Variants in TMEM182 observed in about 807,000 individuals in gnomAD.
The protein encoded by TMEM182 is transmembrane protein 182.
A neutral mutation model predicts 26.8 loss-of-function variants in TMEM182; 20 were observed. That is an observed-to-expected ratio of 0.75 (90% confidence interval 0.53 to 1.09). TMEM182 has a LOEUF of 1.09. TMEM182 is among the 50% of genes least tolerant of loss of function. The pLI, the probability that TMEM182 is intolerant of heterozygous loss-of-function variation, is 0.00. For synonymous variants in TMEM182, 109 were observed against 102.2 expected, an observed-to-expected ratio of 1.07 and a Z score of -0.40; for missense variants, 277 against 275.5, an observed-to-expected ratio of 1.01 and a Z score of -0.04.
intron 3 of TMEM182, among the ~76,000 whole-genome samples, chr2:102,824,473 G>T (rs913109499): frequency 6.6e-6 from 1 of 152,100 alleles, no homozygotes; most frequent in Non-Finnish European, 1.5e-5. Flanking sequence ...AGATTTGGTT[G>T]TTTAAAAGTG....
Position 102,815,122 on chromosome 2 carries a change from A to G in TMEM182, c.*154A>G. 7.0e-7 allele frequency: 1 copy of G among 1,437,092 alleles called. No individual in the cohort carries two copies. The highest frequency in any genetic ancestry group is 9.1e-7 in the Non-Finnish European group (1 of 1,103,950). The allele number at this position is 1,437,092 out of a possible 1,614,324, so 89.0% of individuals were successfully genotyped here. A position where few individuals can be genotyped will look rare whatever the true frequency, so the allele number is the denominator to read the frequency against. On this transcript the variant is annotated 3_prime_UTR_variant, in exon 5 of 5. Coordinates refer to ENST00000412401, the MANE Select transcript of TMEM182 (RefSeq NM_144632.5). Reference sequence around the variant, plus strand: ...TTTTACTAAAATTTTCTTCAGTAAGAAGGTCCTAGAATCTCTCCAGACACC... The same window carrying G: ...TTTTACTAAAATTTTCTTCAGTAAGGAGGTCCTAGAATCTCTCCAGACACC...
At chr2:102,762,722 G>T in intron 2 of TMEM182, 36 bp downstream of exon 2, 1 of 1,564,056 alleles carries the variant, frequency 6.4e-7, no homozygotes, top group African/African-American at 1.4e-5. Context: ...CCTCTTGTCT[G>T]TAAAATAAAA....
chr2:102,787,859 G>T (rs1159966365), intron 3 of TMEM182, among the ~76,000 whole-genome samples: 1 of 152,100 alleles, frequency 6.6e-6, no homozygotes, highest in African/African-American at 2.4e-5. Context: ...ACCTCTCTGA[G>T]CCTCATCTGT....
intron 4 of TMEM182, among the ~76,000 whole-genome samples, chr2:102,801,242 T>C (rs1682116193): frequency 6.6e-6 from 1 of 152,090 alleles, no homozygotes; most frequent in African/African-American, 2.4e-5. Flanking sequence ...GTGGCACTGT[T>C]GCAGGAATCA....
intron 3 of TMEM182, among the ~76,000 whole-genome samples, chr2:102,774,727 A>T (rs766663124): frequency 7.9e-5 from 12 of 152,062 alleles, no homozygotes; most frequent in Non-Finnish European, 1.8e-4. Context: ...TCCTGCATTG[A>T]GTTGCTTTTG....
At chr2:102,827,492 G>A (rs779696690) in intron 3 of TMEM182, among the ~76,000 whole-genome samples, 3 of 152,198 alleles carry the variant, frequency 2.0e-5, no homozygotes, top group Non-Finnish European at 2.9e-5. Context: ...CAGCTTCACG[G>A]CCCTCCAGTC....
chr2:102,800,805 G>C (rs1478849374), intron 4 of TMEM182, among the ~76,000 whole-genome samples: 1 of 126,514 alleles, frequency 7.9e-6, no homozygotes, highest in Non-Finnish European at 1.6e-5. Context: ...GTTTGTGTGT[G>C]TGTGTGTGTG....
At position 102,811,058 on chromosome 2, in the gene TMEM182, C is replaced by CAAAAAAAA. The variant is rs10629082; in HGVS notation, c.470-3673_470-3666dup. ...ACTATTCCATTAATGTCCTCTATAGCAAAAAAAAAAAAAAAAAAAAAAAAT... is the reference window on the plus strand; with the variant it reads ...ACTATTCCATTAATGTCCTCTATAGCAAAAAAAAAAAAAAAAAAAAAAAAAAAAAAAAT... On this transcript the variant is annotated intron_variant, in intron 4 of 4. Transcript: ENST00000412401. Among the ~76,000 whole-genome samples the CAAAAAAAA allele has an allele frequency of 3.0e-3, 283 of 94,436 alleles. 7 individuals are homozygous for CAAAAAAAA. The highest frequency in any genetic ancestry group is 0.011 in the African/African-American group (273 of 24,408). 62.0% of individuals were successfully genotyped at this position (94,436 alleles called of 152,430 possible). A position where few individuals can be genotyped will look rare whatever the true frequency, so the allele number is the denominator to read the frequency against.
chr2:102,780,460 C>G (rs1158044840), intron 3 of TMEM182, among the ~76,000 whole-genome samples: 1 of 152,144 alleles, frequency 6.6e-6, no homozygotes, highest in African/African-American at 2.4e-5. Flanking sequence ...ACAGCTCTAA[C>G]CATAGCTTCT....
downstream of TMEM182, among the ~76,000 whole-genome samples, chr2:102,818,158 T>C (rs1682815216): frequency 1.3e-5 from 2 of 152,168 alleles, no homozygotes; most frequent in Non-Finnish European, 1.5e-5. Context: ...TTTGATTTTT[T>C]TGGGACTCCA....
In TMEM182 at chr2:102,815,092, A is replaced by G; in HGVS notation, c.*124A>G. 6.9e-7 allele frequency: 1 copy of G among 1,451,364 alleles called. No individual in the cohort carries two copies. Among genetic ancestry groups the G allele is most frequent in the Non-Finnish European group, 9.0e-7 (1 of 1,110,066 alleles). The allele number at this position is 1,451,364 out of a possible 1,614,324, so 89.9% of individuals were successfully genotyped here. On this transcript the variant is annotated 3_prime_UTR_variant, in exon 5 of 5. Transcript: ENST00000412401. ...TAACTTTTTAGTTGCTATTCAAATT[A>G]ATCATTTTACTAAAATTTTCTTCAG...
chr2:102,768,210 A>G (rs112073961), intron 3 of TMEM182, among the ~76,000 whole-genome samples: 2 of 152,262 alleles, frequency 1.3e-5, no homozygotes, highest in African/African-American at 4.8e-5. Context: ...TCTAAGCTCC[A>G]TGAGAGTGGG....
upstream of TMEM182, among the ~76,000 whole-genome samples, chr2:102,760,724 T>G (rs1010358867): frequency 2.0e-5 from 3 of 151,988 alleles, no homozygotes; most frequent in Non-Finnish European, 2.9e-5. Flanking sequence ...AAGCGTTTCT[T>G]CTGTCTCAGC....
chr2:102,815,156 T>C lies in TMEM182; in HGVS notation c.*188T>C, dbSNP rs1234294066. On this transcript the variant is annotated 3_prime_UTR_variant, in exon 5 of 5. Transcript: ENST00000412401. ...GAATCTCTCCAGACACCAGCAAGCC[T>C]CTATCTTGTCTAAGTGCTGTCAAGG... 7.1e-7 allele frequency: 1 copy of C among 1,409,366 alleles called. No individual in the cohort carries two copies. The highest frequency in any genetic ancestry group is 3.0e-5 in the Admixed American group (1 of 33,378). 87.3% of individuals were successfully genotyped at this position (1,409,366 alleles called of 1,614,324 possible).
intron 3 of TMEM182, among the ~76,000 whole-genome samples, chr2:102,768,805 G>C (rs1051607766): frequency 6.6e-6 from 1 of 151,866 alleles, no homozygotes; most frequent in Non-Finnish European, 1.5e-5. Context: ...TATTTATCTA[G>C]TACTATTTTC....
At chr2:102,757,170 C>G (rs1680067269), upstream of TMEM182, among the ~76,000 whole-genome samples, 1 of 152,128 alleles carries the variant, frequency 6.6e-6, no homozygotes, top group African/African-American at 2.4e-5. Context: ...GGGAGCAGAC[C>G]TGCTACCTAT....
intron 4 of TMEM182, among the ~76,000 whole-genome samples, chr2:102,812,347 TTGTC>T (rs529125924): frequency 6.8e-6 from 1 of 147,600 alleles, no homozygotes; most frequent in Non-Finnish European, 1.5e-5. Context: ...TTCCTTCTCA[TTGTC>T]TGTCTCTCTC....
rs1573525929 is a variant in TMEM182 at position 102,780,542 on chromosome 2, A to G, written c.331+16115A>G. Among the ~76,000 whole-genome samples the G allele has an allele frequency of 4.6e-5, 7 of 152,254 alleles. No individual in the cohort carries two copies. The South Asian group carries it at 1.5e-3, about 32-fold the overall frequency. The stretch of plus-strand genomic sequence containing the variant: ...GTCCTGACCCTCCACTAGGCCTCCT[A>G]TGACACCACTCTAGTTAGAAGGGGC... On this transcript the variant is annotated intron_variant, in intron 3 of 4. Transcript: ENST00000412401.
rs767255269 is a variant in TMEM182 at position 102,762,053 on chromosome 2, C to T, written c.-165C>T. ...TATGAATCTGCCGGTGGGGCGTGAG[C>T]GAGAAGCCACCAAAACATGAGCTAG... is the stretch of plus-strand genomic sequence containing the variant. On this transcript the variant is annotated 5_prime_UTR_variant, in exon 1 of 5. Transcript: ENST00000412401. 1.6e-4 allele frequency: 92 copies of T among 580,864 alleles called. 1 individual carries two copies. The highest frequency in any genetic ancestry group is 7.9e-4 in the South Asian group (38 of 48,040). 36.0% of individuals were successfully genotyped at this position (580,864 alleles called of 1,614,324 possible).
Sources: gnomAD v4.1 joint callset for allele counts (sites outside exome capture counted in the v4.1 genomes callset) on GRCh38, gnomAD v4.1.1 for gene constraint, MANE v1.5 for transcripts, NCBI Gene and HGNC (gene_info 2026-07-23, HGNC 2026-07-21) for gene names.